MEGF11: variants seen among roughly 807,000 people sequenced by gnomAD.
MEGF11 encodes the protein multiple epidermal growth factor-like domains protein 11.
In MEGF11, 126 loss-of-function variants were observed where a neutral mutation model predicts 146.6. That is an observed-to-expected ratio of 0.86 (90% confidence interval 0.74 to 1.00). The LOEUF (loss-of-function observed/expected upper bound fraction) is 1.00, where lower values mean the gene tolerates loss of function less well. MEGF11 is among the 50% of genes least tolerant of loss of function. MEGF11 has a pLI of 0.00. For synonymous variants in MEGF11, 532 were observed against 583.4 expected (o/e 0.91, Z 1.27); for missense variants, 1,509 against 1,521.2 (o/e 0.99, Z 0.13).
At chr15:66,056,828 C>A (rs2084693553) in intron 5 of MEGF11, among the ~76,000 whole-genome samples, 1 of 152,186 alleles carries the variant, frequency 6.6e-6, no homozygotes, top group African/African-American at 2.4e-5. Context: ...TCATCACCTC[C>A]AAGGTCCCCC....
intron 7 of MEGF11, among the ~76,000 whole-genome samples, chr15:65,973,838 A>T (rs532747411): frequency 2.0e-5 from 3 of 152,230 alleles, no homozygotes; most frequent in Non-Finnish European, 4.4e-5. Context: ...GGGAAATGCC[A>T]GAAGAAATAC....
chr15:65,962,644 T>G (rs2080902276), intron 9 of MEGF11, among the ~76,000 whole-genome samples: 1 of 152,144 alleles, frequency 6.6e-6, no homozygotes, highest in Non-Finnish European at 1.5e-5. Context: ...CGTCAGCTAA[T>G]GGGTAGAACC....
chr15:65,952,018 T>TA (rs1377874596), intron 10 of MEGF11, among the ~76,000 whole-genome samples: 1 of 152,166 alleles, frequency 6.6e-6, no homozygotes, highest in Admixed American at 6.5e-5. Flanking sequence ...AAATTTTTTT[T>TA]AAAGATATTT....
At position 65,909,139 on chromosome 15, in the gene MEGF11, G is replaced by C. The variant is rs1340556568; in HGVS notation, c.2897-4C>G. 6.6e-7 allele frequency: 1 copy of C among 1,523,626 alleles called. No homozygotes were observed. Among genetic ancestry groups the C allele is most frequent in the Non-Finnish European group, 8.8e-7 (1 of 1,135,680 alleles). 94.4% of individuals were successfully genotyped at this position (1,523,626 alleles called of 1,614,324 possible). Reference sequence around the variant, plus strand: ...GCACTGATCTGGAAATGGGAGTCTAGTGAGAGGAATGACAGGGAGGAGCCA... The same window carrying C: ...GCACTGATCTGGAAATGGGAGTCTACTGAGAGGAATGACAGGGAGGAGCCA... On this transcript the variant is annotated splice_region_variant and splice_polypyrimidine_tract_variant and intron_variant, in intron 22 of 25. Coordinates refer to ENST00000395614, the MANE Select transcript of MEGF11 (RefSeq NM_001385028.1).
intron 5 of MEGF11, among the ~76,000 whole-genome samples, chr15:66,023,802 G>T (rs552925892): frequency 6.6e-6 from 1 of 152,378 alleles, no homozygotes; most frequent in East Asian, 1.9e-4. Context: ...CTGTCAGAGA[G>T]TGCCAATCAC....
intron 5 of MEGF11, among the ~76,000 whole-genome samples, chr15:66,079,253 G>C (rs1271654483): frequency 6.6e-6 from 1 of 152,162 alleles, no homozygotes; most frequent in African/African-American, 2.4e-5. Flanking sequence ...TTCTTGGGGG[G>C]ACAGATGAGG....
intron 25 of MEGF11, 96 bp downstream of exon 25, chr15:65,898,632 T>G (rs1413216169): frequency 6.5e-7 from 1 of 1,549,610 alleles, no homozygotes; most frequent in Non-Finnish European, 8.7e-7. Context: ...AAGAAGGATG[T>G]GTGGTCAAGG....
intron 7 of MEGF11, among the ~76,000 whole-genome samples, chr15:65,977,795 C>T (rs2081502147): frequency 6.6e-6 from 1 of 152,122 alleles, no homozygotes; most frequent in Non-Finnish European, 1.5e-5. Context: ...GGCACACACA[C>T]ACTGCATCCA....
At chr15:66,200,770 G>A (rs554123250) in intron 1 of MEGF11, among the ~76,000 whole-genome samples, 23 of 152,258 alleles carry the variant, frequency 1.5e-4, no homozygotes, top group Middle Eastern at 3.4e-3. Context: ...TGACTCCAGC[G>A]GGGTGCAGAA....
intron 4 of MEGF11, among the ~76,000 whole-genome samples, chr15:66,116,362 G>A (rs777815009): frequency 5.3e-5 from 8 of 151,914 alleles, no homozygotes; most frequent in African/African-American, 1.7e-4. Context: ...CTTCTATCTC[G>A]TAGCACAGCA....
At chr15:65,943,679 G>A (rs934449099) in intron 10 of MEGF11, among the ~76,000 whole-genome samples, 2 of 152,168 alleles carry the variant, frequency 1.3e-5, no homozygotes, top group Admixed American at 1.3e-4. Flanking sequence ...AGTTTGGTAT[G>A]TGTGTGTGAT....
At chr15:66,218,964 C>G (rs1318421093) in intron 1 of MEGF11, among the ~76,000 whole-genome samples, 1 of 66,452 alleles carries the variant, frequency 1.5e-5, no homozygotes, top group Admixed American at 1.3e-4. Context: ...ATCAGAACAA[C>G]TGGATATCCA....
At position 66,216,407 on chromosome 15, in the gene MEGF11, C is replaced by T. The variant is rs1014178056; in HGVS notation, c.-9+37198G>A. On this transcript the variant is annotated intron_variant, in intron 1 of 25. Coordinates refer to ENST00000395614, the MANE Select transcript of MEGF11 (RefSeq NM_001385028.1). The stretch of plus-strand genomic sequence containing the variant: ...AACCGCAGAAGGGTCAGGTCACATA[C>T]GAACTCCCTTCAGCCAGAGATCTTC... 3.9e-5 allele frequency among the ~76,000 whole-genome samples: 6 copies of T among 152,312 alleles called. No individual in the cohort carries two copies. In the South Asian group the frequency reaches 1.0e-3, roughly 26 times the overall value.
intron 10 of MEGF11, among the ~76,000 whole-genome samples, chr15:65,947,998 G>A (rs1242585109): frequency 6.6e-6 from 1 of 152,146 alleles, no homozygotes; most frequent in Non-Finnish European, 1.5e-5. Flanking sequence ...TGTACAGTGG[G>A]GTCCCAGAGG....
In MEGF11 at chr15:65,897,946, G is replaced by T; in HGVS notation, c.3411C>A (p.Asp1137Glu). The T allele has an allele frequency of 1.9e-6, 3 of 1,613,840 alleles. No homozygotes were observed. Among genetic ancestry groups the T allele is most frequent in the Middle Eastern group, 1.7e-4 (1 of 6,024 alleles). ...AAGCTTATCCCTCTTAAGATTGCTT[G>T]TCCTGGGACGGCCCATTGGCAGGGC... Reference protein sequence around the residue: ...RQSPANGPSQDKQS With the variant: ...RQSPANGPSQEKQS Residue 1137 changes from aspartate to glutamate, a missense_variant, in exon 26 of 26, where the codon GAC (aspartate) becomes GAA (glutamate). Asp to Glu is a conservative substitution (Grantham distance 45). Coordinates refer to ENST00000395614, the MANE Select transcript of MEGF11 (RefSeq NM_001385028.1).
chr15:66,185,617 C>G (rs925942583), intron 1 of MEGF11, among the ~76,000 whole-genome samples: 5 of 152,170 alleles, frequency 3.3e-5, no homozygotes, highest in African/African-American at 1.2e-4. Context: ...TCCCCAGACC[C>G]TGTCAAAGAC....
rs28584978 is a variant in MEGF11, at chr15:66,004,401, G to C, written c.395-21913C>G. 3.8e-4 allele frequency among the ~76,000 whole-genome samples: 53 copies of C among 140,246 alleles called. 1 individual carries two copies. The East Asian group carries it at 7.5e-3, about 20-fold the overall frequency. 92.0% of individuals were successfully genotyped at this position (140,246 alleles called of 152,430 possible). ...AATTCAACCAGGGAGGGGCACAGAG[G>C]GGGGGCTTCAAGTATTTTTGTAATA... On this transcript the variant is annotated intron_variant, in intron 5 of 25. Transcript: ENST00000395614.
intron 8 of MEGF11, among the ~76,000 whole-genome samples, chr15:65,969,083 C>G (rs905952007): frequency 1.3e-5 from 2 of 152,158 alleles, no homozygotes; most frequent in Non-Finnish European, 2.9e-5. Flanking sequence ...AGGGGTTCCT[C>G]TCTGCCCAGG....
intron 3 of MEGF11, among the ~76,000 whole-genome samples, chr15:66,121,715 A>G (rs1405148177): frequency 6.6e-6 from 1 of 152,240 alleles, no homozygotes; most frequent in Non-Finnish European, 1.5e-5. Context: ...AGGGAGCCCC[A>G]ACATCTTTGT....
Sources: gnomAD v4.1 joint callset for allele counts (sites outside exome capture counted in the v4.1 genomes callset) on GRCh38, gnomAD v4.1.1 for gene constraint, MANE v1.5 for transcripts, NCBI Gene and HGNC (gene_info 2026-07-23, HGNC 2026-07-21) for gene names.